AKAP19: variants seen among roughly 807,000 people sequenced by gnomAD.
The protein encoded by AKAP19 is A-kinase anchoring protein 19, also known as small A-kinase anchoring protein.
chr2:190,183,162 C>T, the AKAP19 span, among the ~76,000 whole-genome samples: 1 of 152,158 alleles, frequency 6.6e-6, no homozygotes, highest in Non-Finnish European at 1.5e-5. Context: ...TACCTATTAG[C>T]TTTGTGACCT....
At chr2:189,993,573 T>C in the AKAP19 span, among the ~76,000 whole-genome samples, 2 of 152,218 alleles carry the variant, frequency 1.3e-5, no homozygotes, top group African/African-American at 2.4e-5. Context: ...TTCAGTAAGA[T>C]TGGTACCAAT....
At chr2:189,977,560 T>C in the AKAP19 span, among the ~76,000 whole-genome samples, 1 of 152,230 alleles carries the variant, frequency 6.6e-6, no homozygotes, top group Non-Finnish European at 1.5e-5. Flanking sequence ...GATATGCCTA[T>C]TAGGCACCCA....
the AKAP19 span, among the ~76,000 whole-genome samples, chr2:190,022,063 A>G: frequency 6.6e-6 from 1 of 151,938 alleles, no homozygotes; most frequent in South Asian, 2.1e-4. Flanking sequence ...CATCAGTCCC[A>G]TTCTCATGAC....
At chr2:190,193,438 T>C in the AKAP19 span, among the ~76,000 whole-genome samples, 1 of 152,164 alleles carries the variant, frequency 6.6e-6, no homozygotes, top group Non-Finnish European at 1.5e-5. Flanking sequence ...GAAATCTTTC[T>C]TTCCTCTTTC....
the AKAP19 span, among the ~76,000 whole-genome samples, chr2:190,053,781 T>G: frequency 3.3e-5 from 5 of 152,204 alleles, no homozygotes; most frequent in South Asian, 1.0e-3. Flanking sequence ...ATATTTGAAT[T>G]TAGATTTCTA....
chr2:190,085,870 T>C, the AKAP19 span, among the ~76,000 whole-genome samples: 2 of 152,180 alleles, frequency 1.3e-5, no homozygotes, highest in African/African-American at 4.8e-5. Flanking sequence ...GTGGAAATTA[T>C]GAGCACGAAG....
At chr2:190,163,201 G>A in the AKAP19 span, among the ~76,000 whole-genome samples, 2 of 151,372 alleles carry the variant, frequency 1.3e-5, no homozygotes, top group Non-Finnish European at 2.9e-5. Context: ...TTGGGAGGCC[G>A]AGACGGGCGG....
the AKAP19 span, chr2:190,079,306 C>T: frequency 6.6e-6 from 1 of 152,196 alleles, no homozygotes; most frequent in African/African-American, 2.4e-5. Flanking sequence ...ACTTCCTGCT[C>T]CACACCATTT....
At chr2:189,973,445 C>T in the AKAP19 span, among the ~76,000 whole-genome samples, 1 of 152,156 alleles carries the variant, frequency 6.6e-6, no homozygotes, top group African/African-American at 2.4e-5. Flanking sequence ...CTAAAATTCT[C>T]TTTTTTGGTT....
the AKAP19 span, among the ~76,000 whole-genome samples, chr2:190,189,537 A>G: frequency 6.6e-6 from 1 of 152,224 alleles, no homozygotes; most frequent in African/African-American, 2.4e-5. Flanking sequence ...AACCAGCTGA[A>G]GGTTAACAAC....
At chr2:189,907,021 C>T in the AKAP19 span, among the ~76,000 whole-genome samples, 1 of 152,188 alleles carries the variant, frequency 6.6e-6, no homozygotes, top group African/African-American at 2.4e-5. Context: ...GCCCTCATCT[C>T]TCACCTAGGT....
the AKAP19 span, among the ~76,000 whole-genome samples, chr2:189,895,021 C>T: frequency 6.6e-6 from 1 of 151,138 alleles, no homozygotes; most frequent in African/African-American, 2.4e-5. Flanking sequence ...ATTGAAAGAA[C>T]AACACTAATG....
At chr2:189,943,458 C>T in the AKAP19 span, among the ~76,000 whole-genome samples, 20 of 152,216 alleles carry the variant, frequency 1.3e-4, no homozygotes, top group East Asian at 1.9e-4. Context: ...CTGGGTGTCC[C>T]GGCAGAAGCC....
At chr2:190,026,882 A>G in the AKAP19 span, among the ~76,000 whole-genome samples, 1 of 152,322 alleles carries the variant, frequency 6.6e-6, no homozygotes, top group Middle Eastern at 3.4e-3. Context: ...AGAATTTCAC[A>G]GAATACCTAG....
the AKAP19 span, among the ~76,000 whole-genome samples, chr2:190,077,987 T>C: frequency 6.6e-6 from 1 of 152,216 alleles, no homozygotes; most frequent in Non-Finnish European, 1.5e-5. Flanking sequence ...TGTTCAGCTA[T>C]TGTTCTTAAG....
At chr2:189,928,647 A>C in the AKAP19 span, among the ~76,000 whole-genome samples, 1 of 152,090 alleles carries the variant, frequency 6.6e-6, no homozygotes, top group African/African-American at 2.4e-5. Context: ...TCTTTCCATC[A>C]TGGGGCTCAT....
At chr2:190,082,921 A>G in the AKAP19 span, among the ~76,000 whole-genome samples, 16 of 152,340 alleles carry the variant, frequency 1.1e-4, no homozygotes, top group Non-Finnish European at 1.6e-4. Flanking sequence ...CCTGATCCTT[A>G]TAAAACTTAA....
At chr2:190,175,611 T>C in the AKAP19 span, among the ~76,000 whole-genome samples, 1 of 152,246 alleles carries the variant, frequency 6.6e-6, no homozygotes, top group East Asian at 1.9e-4. Flanking sequence ...AACTAAAGAA[T>C]TTTTTTCTTC....
chr2:190,094,291 C>G, the AKAP19 span, among the ~76,000 whole-genome samples: 1 of 151,986 alleles, frequency 6.6e-6, no homozygotes, highest in Non-Finnish European at 1.5e-5. Context: ...TAAAGCATTC[C>G]CCTAGTGCCT....
Sources: gnomAD v4.1 joint callset for allele counts (sites outside exome capture counted in the v4.1 genomes callset) on GRCh38, gnomAD v4.1.1 for gene constraint, MANE v1.5 for transcripts, NCBI Gene and HGNC (gene_info 2026-07-23, HGNC 2026-07-21) for gene names.